KIF6: variants seen among roughly 807,000 people sequenced by gnomAD.
KIF6 encodes kinesin-like protein KIF6.
Under a neutral mutation model 112.7 loss-of-function variants are expected in KIF6, and 106 were observed. The ratio of observed to expected loss-of-function variants is 0.94; its 90% CI spans 0.80 to 1.11. KIF6 has a LOEUF of 1.11. KIF6 is among the 50% of genes least tolerant of loss of function. KIF6 has a pLI of 0.00. For missense variants in KIF6, 929 were observed against 964.0 expected, an observed-to-expected ratio of 0.96 and a Z score of 0.48; for synonymous variants, 339 against 339.9, an observed-to-expected ratio of 1.00 and a Z score of 0.03.
chr6:39,485,574 G>T (rs558644986), intron 13 of KIF6, among the ~76,000 whole-genome samples: 1 of 152,102 alleles, frequency 6.6e-6, no homozygotes, highest in Admixed American at 6.6e-5. Flanking sequence ...GTAGTTTAGC[G>T]ATTCTCAAGT....
intron 1 of KIF6, among the ~76,000 whole-genome samples, chr6:39,723,280 A>C (rs1238730143): frequency 6.6e-6 from 1 of 152,230 alleles, no homozygotes; most frequent in Non-Finnish European, 1.5e-5. Context: ...TTCCACATAG[A>C]CATATACCCA....
At chr6:39,708,111 C>T (rs551021922) in intron 3 of KIF6, among the ~76,000 whole-genome samples, 1 of 152,244 alleles carries the variant, frequency 6.6e-6, no homozygotes, top group African/African-American at 2.4e-5. Context: ...TGCTAGGCAA[C>T]CCACGGCATT....
At chr6:39,688,829 T>A (rs1184497696) in intron 3 of KIF6, among the ~76,000 whole-genome samples, 1 of 152,224 alleles carries the variant, frequency 6.6e-6, no homozygotes, top group African/African-American at 2.4e-5. Flanking sequence ...TGAAGGATAT[T>A]CACTGTAGAA....
rs910399392 is a variant in KIF6, at chr6:39,479,410, T to C, written c.1646-48249A>G. On this transcript the variant is annotated intron_variant, in intron 13 of 22. Coordinates refer to ENST00000287152, the MANE Select transcript of KIF6 (RefSeq NM_145027.6). ...TTGTTGAAGATTAGTTGGCTGTAAG[T>C]ATTTGGGCTTAGTTCTGGGTTCTTT... 4.6e-5 allele frequency among the ~76,000 whole-genome samples: 7 copies of C among 152,248 alleles called. 1 individual carries two copies. Among genetic ancestry groups the C allele is most frequent in the Non-Finnish European group, 8.8e-5 (6 of 68,010 alleles).
At chr6:39,524,280 A>T (rs1401316308) in intron 13 of KIF6, among the ~76,000 whole-genome samples, 2 of 152,166 alleles carry the variant, frequency 1.3e-5, no homozygotes, top group Admixed American at 1.3e-4. Flanking sequence ...TCATGAAAAC[A>T]ATGTTAAAAA....
chr6:39,533,447 C>G (rs750667770), intron 13 of KIF6, among the ~76,000 whole-genome samples: 1 of 152,152 alleles, frequency 6.6e-6, no homozygotes, highest in Non-Finnish European at 1.5e-5. Context: ...AAGGAGGCAG[C>G]GAGGCTGGGG....
At chr6:39,375,705 C>T (rs1766387562) in intron 16 of KIF6, among the ~76,000 whole-genome samples, 2 of 152,140 alleles carry the variant, frequency 1.3e-5, no homozygotes, top group African/African-American at 4.8e-5. Context: ...TTCCTGGGCC[C>T]GCAGCTTGCA....
In KIF6 at chr6:39,594,230, G is replaced by C. The variant is rs186530134; in HGVS notation, c.846+1824C>G. Among the ~76,000 whole-genome samples the C allele has an allele frequency of 7.6e-3, 1,156 of 151,696 alleles. 19 individuals carry two copies. Among genetic ancestry groups the C allele is most frequent in the African/African-American group, 0.027 (1,099 of 41,328 alleles). ...GAATTAAAAAAAAAAAAAGAATTAA[G>C]GGCAGAACATTTCTCTTGAGTGATT... On this transcript the variant is annotated intron_variant, in intron 7 of 22. Transcript: ENST00000287152.
At chr6:39,618,585 T>C (rs561721805) in intron 5 of KIF6, among the ~76,000 whole-genome samples, 150 of 152,310 alleles carry the variant, frequency 9.8e-4, no homozygotes, top group Non-Finnish European at 1.0e-3. Flanking sequence ...CACCAAATTA[T>C]AAACAAGACC....
chr6:39,552,847 T>G (rs371929364), intron 10 of KIF6, among the ~76,000 whole-genome samples: 1 of 152,288 alleles, frequency 6.6e-6, no homozygotes, highest in Non-Finnish European at 1.5e-5. Context: ...AGTATTGAGA[T>G]AGCAGGTAAT....
intron 7 of KIF6, among the ~76,000 whole-genome samples, chr6:39,594,269 A>C (rs905894642): frequency 6.6e-6 from 1 of 152,168 alleles, no homozygotes; most frequent in African/African-American, 2.4e-5. Flanking sequence ...ATTGGTGGGA[A>C]GTCTGATTCA....
chr6:39,717,079 C>T (rs1166712113), intron 2 of KIF6, among the ~76,000 whole-genome samples: 1 of 152,140 alleles, frequency 6.6e-6, no homozygotes, highest in African/African-American at 2.4e-5. Context: ...AGTCTTTTCC[C>T]CCTTCCAGCC....
At chr6:39,346,139 CTCTCTCTCT>C (rs1763780474) in intron 20 of KIF6, among the ~76,000 whole-genome samples, 1 of 130,440 alleles carries the variant, frequency 7.7e-6, no homozygotes, top group African/African-American at 2.9e-5. Flanking sequence ...CTCCCTCTCT[CTCTCTCTCT>C]CTCTCTCTCT....
At chr6:39,429,195 C>A (rs143221442) in intron 14 of KIF6, among the ~76,000 whole-genome samples, 1 of 152,198 alleles carries the variant, frequency 6.6e-6, no homozygotes, top group African/African-American at 2.4e-5. Flanking sequence ...ACCCTCATTG[C>A]GGTTTGCTTT....
chr6:39,720,868 T>C, intron 1 of KIF6, 57 bp from the exon 2 acceptor site: 1 of 781,398 alleles, frequency 1.3e-6, no homozygotes, highest in Non-Finnish European at 2.3e-6. Context: ...GCTTGAACTA[T>C]CACCATGTTA....
chr6:39,548,326 C>CAG (rs1779175969), intron 10 of KIF6, among the ~76,000 whole-genome samples: 1 of 152,202 alleles, frequency 6.6e-6, no homozygotes, highest in Non-Finnish European at 1.5e-5. Flanking sequence ...TCCATCAAGG[C>CAG]TCCTCTCCCA....
chr6:39,415,174 G>A (rs1198705568), intron 15 of KIF6, among the ~76,000 whole-genome samples: 1 of 151,968 alleles, frequency 6.6e-6, no homozygotes, highest in Non-Finnish European at 1.5e-5. Flanking sequence ...ATGACAGAGT[G>A]AAACTCTGTC....
chr6:39,394,347 G>T (rs1158450900), intron 15 of KIF6, among the ~76,000 whole-genome samples: 1 of 152,184 alleles, frequency 6.6e-6, no homozygotes, highest in African/African-American at 2.4e-5. Context: ...TGGAAATTGC[G>T]CTTGAGCACC....
chr6:39,500,189 G>A (rs1447641782), intron 13 of KIF6, among the ~76,000 whole-genome samples: 1 of 152,232 alleles, frequency 6.6e-6, no homozygotes, highest in Non-Finnish European at 1.5e-5. Flanking sequence ...AACTGAATGG[G>A]TGGGGGATAT....
Sources: allele counts gnomAD v4.1 joint callset (sites outside exome capture counted in the v4.1 genomes callset), GRCh38; gene constraint gnomAD v4.1.1; transcripts MANE v1.5; gene names NCBI Gene and HGNC (gene_info 2026-07-23, HGNC 2026-07-21).